The following NSL1 variants were observed in gnomAD, a reference collection of about 807,000 sequenced individuals.
The protein encoded by NSL1 is kinetochore-associated protein NSL1 homolog.
A neutral mutation model predicts 25.4 loss-of-function variants in NSL1; 11 were observed. The ratio of observed to expected loss-of-function variants is 0.43; its 90% CI spans 0.27 to 0.72. The LOEUF (loss-of-function observed/expected upper bound fraction) is 0.72. NSL1 is among the 30% of genes least tolerant of loss of function. The pLI is 0.19. For missense variants in NSL1, 330 were observed against 342.7 expected (o/e 0.96, Z 0.29); for synonymous variants, 118 against 120.6 (o/e 0.98, Z 0.14).
At chr1:212,758,556 A>C (rs1278366346) in intron 4 of NSL1, among the ~76,000 whole-genome samples, 1 of 152,258 alleles carries the variant, frequency 6.6e-6, no homozygotes, top group Non-Finnish European at 1.5e-5. Flanking sequence ...TCAATTTACA[A>C]GGGCATCAAA....
At chr1:212,762,306 CAAAAAAAAAAA>C (rs71147025) in intron 4 of NSL1, among the ~76,000 whole-genome samples, 4 of 114,638 alleles carry the variant, frequency 3.5e-5, no homozygotes, top group African/African-American at 1.3e-4. Flanking sequence ...TTAAAAGAAA[CAAAAAAAAAAA>C]AAAAAAAAAG....
At chr1:212,777,180 C>T (rs1301022799) in intron 4 of NSL1, among the ~76,000 whole-genome samples, 1 of 151,906 alleles carries the variant, frequency 6.6e-6, no homozygotes, top group African/African-American at 2.4e-5. Flanking sequence ...TCCAGACCAG[C>T]CTGGGTAACA....
At chr1:212,788,184 C>G (rs1661026135) in intron 1 of NSL1, among the ~76,000 whole-genome samples, 1 of 152,216 alleles carries the variant, frequency 6.6e-6, no homozygotes, top group Non-Finnish European at 1.5e-5. Context: ...GAAGCCAAGG[C>G]AAGAGGATTG....
chr1:212,728,874 G>T lies in NSL1; in HGVS notation c.*9534C>A. On this transcript the variant is annotated 3_prime_UTR_variant, in exon 6 of 6. Coordinates refer to ENST00000366977, the MANE Select transcript of NSL1 (RefSeq NM_015471.4). ...CAGGAGGGCAAGACTGGGAGTGCTG[G>T]GGGTGGGGAGGCCAGAGTCCACCAC... 1 of 985,392 alleles carries T rather than the reference G, an allele frequency of 1.0e-6. No individual in the cohort carries two copies. The highest frequency in any genetic ancestry group is 1.7e-5 in the African/African-American group (1 of 57,354). The allele number at this position is 985,392 out of a possible 1,614,324, so 61.0% of individuals were successfully genotyped here. A position where few individuals can be genotyped will look rare whatever the true frequency, so the allele number is the denominator to read the frequency against.
At chr1:212,751,853 C>G (rs1318652361) in intron 4 of NSL1, among the ~76,000 whole-genome samples, 1 of 151,914 alleles carries the variant, frequency 6.6e-6, no homozygotes, top group Non-Finnish European at 1.5e-5. Context: ...CTTTTCACTC[C>G]CTCACTCAAG....
At chr1:212,764,438 T>C (rs1003828827) in intron 4 of NSL1, among the ~76,000 whole-genome samples, 1 of 151,790 alleles carries the variant, frequency 6.6e-6, no homozygotes, top group African/African-American at 2.4e-5. Context: ...TTAAATGAAA[T>C]TGAAACAAAC....
intron 4 of NSL1, among the ~76,000 whole-genome samples, chr1:212,750,482 T>C (rs112306660): frequency 3.3e-5 from 5 of 152,148 alleles, no homozygotes; most frequent in African/African-American, 1.2e-4. Context: ...GCACCAGGCC[T>C]AGACAGCAGC....
chr1:212,731,963 G>C lies in NSL1; in HGVS notation c.*6445C>G, dbSNP rs966301782. 1.0e-6 allele frequency: 1 copy of C among 984,178 alleles called. No individual in the cohort carries two copies. The highest frequency in any genetic ancestry group is 1.8e-5 in the African/African-American group (1 of 56,952). 61.0% of individuals were successfully genotyped at this position (984,178 alleles called of 1,614,324 possible). A position where few individuals can be genotyped will look rare whatever the true frequency, so the allele number is the denominator to read the frequency against. ...TGCTTTAACCAATGTCCATCTAACT[G>C]TTCAGTGCCTGTGCTGTACTAATTG... On this transcript the variant is annotated 3_prime_UTR_variant, in exon 6 of 6. Coordinates refer to ENST00000366977, the MANE Select transcript of NSL1 (RefSeq NM_015471.4).
rs183172136 is a variant in NSL1, at chr1:212,776,250, C to A, written c.499+6122G>T. Among the ~76,000 whole-genome samples, 528 of 152,142 alleles carry A rather than the reference C, an allele frequency of 3.5e-3. 6 individuals are homozygous for A. The highest frequency in any genetic ancestry group is 0.012 in the African/African-American group (506 of 41,504). On this transcript the variant is annotated intron_variant, in intron 4 of 5. Transcript: ENST00000366977. ...TGGTGGCACATGCCTATAATCCCAG[C>A]TACTTGGGAGGCTGAGGCAGGAGAA...
intron 4 of NSL1, among the ~76,000 whole-genome samples, chr1:212,775,228 G>A (rs1443769007): frequency 2.0e-5 from 3 of 152,154 alleles, no homozygotes; most frequent in Admixed American, 6.5e-5. Flanking sequence ...ATTAGTGGCC[G>A]CCTAGGACCA....
chr1:212,742,134 T>C (rs552568686), intron 4 of NSL1, among the ~76,000 whole-genome samples: 1 of 152,282 alleles, frequency 6.6e-6, no homozygotes, highest in East Asian at 1.9e-4. Context: ...CACATATAAA[T>C]AGAAATAAAG....
intron 4 of NSL1, among the ~76,000 whole-genome samples, chr1:212,751,107 C>T (rs991026780): frequency 6.6e-6 from 1 of 151,892 alleles, no homozygotes; most frequent in Non-Finnish European, 1.5e-5. Flanking sequence ...ATATGAAATA[C>T]TATTGATTTT....
chr1:212,727,492 T>C lies in NSL1; in HGVS notation c.*10916A>G. ...CAGCAGTCAACTAAAACGATTCCTT[T>C]TGCAATTTAGGTTAATATCATAACT... is the stretch of plus-strand genomic sequence containing the variant. On this transcript the variant is annotated 3_prime_UTR_variant, in exon 6 of 6. Transcript: ENST00000366977. The C allele has an allele frequency of 3.0e-6, 3 of 985,380 alleles. No individual in the cohort carries two copies. The South Asian group carries it at 1.4e-4, about 46-fold the overall frequency. 61.0% of individuals were successfully genotyped at this position (985,380 alleles called of 1,614,324 possible).
At chr1:212,773,844 T>C (rs146069138) in intron 4 of NSL1, among the ~76,000 whole-genome samples, 155 of 151,988 alleles carry the variant, frequency 1.0e-3, no homozygotes, top group African/African-American at 3.5e-3. Context: ...CACAATGGAA[T>C]ACTATTCCAT....
At chr1:212,789,523 T>C (rs1054040144) in intron 1 of NSL1, among the ~76,000 whole-genome samples, 3 of 152,230 alleles carry the variant, frequency 2.0e-5, no homozygotes, top group African/African-American at 7.2e-5. Flanking sequence ...ATGTATGTTT[T>C]AAAATTATTT....
At chr1:212,743,077 G>GA (rs1467180053) in intron 4 of NSL1, among the ~76,000 whole-genome samples, 2 of 152,012 alleles carry the variant, frequency 1.3e-5, no homozygotes, top group Admixed American at 6.5e-5. Flanking sequence ...AATTCCTTAG[G>GA]AAAAAACAGG....
At chr1:212,762,410 C>T (rs1403260947) in intron 4 of NSL1, among the ~76,000 whole-genome samples, 2 of 151,646 alleles carry the variant, frequency 1.3e-5, no homozygotes, top group African/African-American at 4.8e-5. Flanking sequence ...GTTAGACAAG[C>T]TTGAATTAGA....
chr1:212,728,999 A>C lies in NSL1; in HGVS notation c.*9409T>G. 1 of 985,390 alleles carries C rather than the reference A, an allele frequency of 1.0e-6. No homozygotes were observed. Among genetic ancestry groups the C allele is most frequent in the Non-Finnish European group, 1.2e-6 (1 of 829,860 alleles). 61.0% of individuals were successfully genotyped at this position (985,390 alleles called of 1,614,324 possible). A position where few individuals can be genotyped will look rare whatever the true frequency, so the allele number is the denominator to read the frequency against. The stretch of plus-strand genomic sequence containing the variant: ...AGTAATTTTAGTAAGGAGGATTTCT[A>C]AAGAAGCAGTCATTTGTCAATCTGA... On this transcript the variant is annotated 3_prime_UTR_variant, in exon 6 of 6. Transcript: ENST00000366977.
intron 4 of NSL1, among the ~76,000 whole-genome samples, chr1:212,765,173 A>G (rs1285268282): frequency 6.6e-6 from 1 of 152,194 alleles, no homozygotes; most frequent in Non-Finnish European, 1.5e-5. Flanking sequence ...AAGAATTATT[A>G]CCAATCCTAC....
Sources: gnomAD v4.1 joint callset for allele counts (sites outside exome capture counted in the v4.1 genomes callset) on GRCh38, gnomAD v4.1.1 for gene constraint, MANE v1.5 for transcripts, NCBI Gene and HGNC (gene_info 2026-07-23, HGNC 2026-07-21) for gene names.